GNG7: variants seen among roughly 807,000 people sequenced by gnomAD.
GNG7 encodes the protein guanine nucleotide-binding protein G(I)/G(S)/G(O) subunit gamma-7.
In GNG7, 1 loss-of-function variant was observed where a neutral mutation model predicts 4.0. That is an observed-to-expected ratio of 0.25 (90% CI 0.09 to 1.18). The LOEUF (loss-of-function observed/expected upper bound fraction) is 1.18. Among genes scored for constraint, GNG7 ranks in the 50% most tolerant of loss-of-function variants. The pLI is 0.50. For missense variants in GNG7, 86 were observed against 91.9 expected (o/e 0.94, Z 0.26); for synonymous variants, 34 against 36.9 (o/e 0.92, Z 0.29).
chr19:2,643,792 A>G (rs1044610555), intron 2 of GNG7: 10 of 377,452 alleles, frequency 2.6e-5, no homozygotes, highest in East Asian at 1.4e-4. Flanking sequence ...ATTCATTTCT[A>G]CAGCTATGCA....
chr19:2,583,999 T>C (rs73522577), intron 2 of GNG7, among the ~76,000 whole-genome samples: 20,900 of 152,096 alleles, frequency 0.14, 3,012 homozygotes, highest in East Asian at 0.36. Context: ...TAACAGTACA[T>C]GTTTGGAAGA....
intron 3 of GNG7, among the ~76,000 whole-genome samples, chr19:2,527,577 T>C (rs1978446318): frequency 6.6e-6 from 1 of 152,158 alleles, no homozygotes; most frequent in Admixed American, 6.5e-5. Context: ...AGACACAGCC[T>C]AGGGCCCCAG....
At chr19:2,661,270 A>AAAAGAAAGAAAGAAAGAAAGAAAGG (rs1983145349) in intron 1 of GNG7, among the ~76,000 whole-genome samples, 1 of 70,928 alleles carries the variant, frequency 1.4e-5, no homozygotes, top group African/African-American at 6.5e-5. Context: ...AGAAAGAAAG[A>AAAAGAAAGAAAGAAAGAAAGAAAGG]AAAGAAAGAA....
chr19:2,571,588 CTTTTTTTTTTTTTTTT>C lies in GNG7; in HGVS notation c.-77-16416_-77-16401del, dbSNP rs779497111. Among the ~76,000 whole-genome samples, 5 of 68,022 alleles carry C rather than the reference CTTTTTTTTTTTTTTTT, an allele frequency of 7.4e-5. No homozygotes were observed. In the South Asian group the frequency reaches 2.8e-3, roughly 38 times the overall value. The allele number at this position is 68,022 out of a possible 152,430, so 44.6% of individuals were successfully genotyped here. A position where few individuals can be genotyped will look rare whatever the true frequency, so the allele number is the denominator to read the frequency against. ...GGTCACTTTTCTTTTCATTTCTTTC[CTTTTTTTTTTTTTTTT>C]TTTTTTTTTGAGATGGAGTCTTGCT... On this transcript the variant is annotated intron_variant, in intron 2 of 4. Coordinates refer to ENST00000382159, the MANE Select transcript of GNG7 (RefSeq NM_052847.3).
intron 3 of GNG7, among the ~76,000 whole-genome samples, chr19:2,554,172 A>AAT (rs202213467): frequency 0.03 from 4,345 of 146,128 alleles, 86 homozygotes; most frequent in African/African-American, 0.044. Context: ...TATAATATAT[A>AAT]ATATATATAT....
intron 3 of GNG7, among the ~76,000 whole-genome samples, chr19:2,548,430 G>T (rs1378809807): frequency 1.4e-5 from 2 of 140,348 alleles, no homozygotes; most frequent in Non-Finnish European, 3.0e-5. Flanking sequence ...GCAGTGGGTT[G>T]AGATCGCGCC....
intron 2 of GNG7, among the ~76,000 whole-genome samples, chr19:2,606,366 T>G (rs1216872729): frequency 6.6e-6 from 1 of 151,354 alleles, no homozygotes; most frequent in African/African-American, 2.4e-5. Context: ...AGTTAGACTC[T>G]GTTTCTGGCC....
At position 2,511,975 on chromosome 19, in the gene GNG7, C is replaced by G. The variant is rs1423334404; in HGVS notation, c.*3047G>C. ...GGTCGGGGCCTGGCCCGCTGTGGCCCTTCACCTGGCTACTGGTGTCTCGCT... is the reference window on the plus strand; with the variant it reads ...GGTCGGGGCCTGGCCCGCTGTGGCCGTTCACCTGGCTACTGGTGTCTCGCT... On this transcript the variant is annotated 3_prime_UTR_variant, in exon 5 of 5. Coordinates refer to ENST00000382159, the MANE Select transcript of GNG7 (RefSeq NM_052847.3). This position sits in a 1 kb window ranked among gnomAD's most constrained non-coding sequence, Gnocchi z 6.3. 9.1e-6 allele frequency: 9 copies of G among 985,792 alleles called. No homozygotes were observed. Among genetic ancestry groups the G allele is most frequent in the Non-Finnish European group, 1.1e-5 (9 of 829,974 alleles). The allele number at this position is 985,792 out of a possible 1,614,324, so 61.1% of individuals were successfully genotyped here.
Position 2,634,056 on chromosome 19 carries a change from A to T in GNG7, c.-78+12168T>A, listed in dbSNP as rs748503487. On this transcript the variant is annotated intron_variant, in intron 2 of 4. Transcript: ENST00000382159. The surrounding 1 kb of genome is among the most constrained non-coding windows in gnomAD (Gnocchi z 5.3). ...GCTGAGGTCCCCGGAGGCTGCACAC[A>T]TTGAAATCCACACCCTGAGTGAGGA... Among the ~76,000 whole-genome samples the T allele has an allele frequency of 6.6e-6, 1 of 152,128 alleles. No homozygotes were observed. The highest frequency in any genetic ancestry group is 1.5e-5 in the Non-Finnish European group (1 of 68,008).
At chr19:2,524,410 T>C (rs1325417100) in intron 3 of GNG7, among the ~76,000 whole-genome samples, 3 of 152,230 alleles carry the variant, frequency 2.0e-5, no homozygotes, top group African/African-American at 4.8e-5. Context: ...GTGGTGTGCA[T>C]GTCAGTGTGC....
intron 1 of GNG7, among the ~76,000 whole-genome samples, chr19:2,670,942 C>T (rs1983436230): frequency 6.6e-6 from 1 of 152,156 alleles, no homozygotes; most frequent in Non-Finnish European, 1.5e-5. Context: ...TTGATATCCC[C>T]ACCCTGAGTG....
chr19:2,695,967 T>C (rs1013672842), intron 1 of GNG7, among the ~76,000 whole-genome samples: 3 of 145,260 alleles, frequency 2.1e-5, no homozygotes, highest in Non-Finnish European at 4.7e-5. Flanking sequence ...GAGACCAGCC[T>C]GGGCAACATG....
intron 3 of GNG7, among the ~76,000 whole-genome samples, chr19:2,522,228 G>A (rs1010061941): frequency 1.3e-5 from 2 of 152,166 alleles, no homozygotes; most frequent in Non-Finnish European, 2.9e-5. Context: ...TGTCAGTAGT[G>A]TCCAGCCTAG....
chr19:2,700,072 T>A (rs1282102388), intron 1 of GNG7, among the ~76,000 whole-genome samples: 1 of 151,808 alleles, frequency 6.6e-6, no homozygotes, highest in African/African-American at 2.4e-5. Flanking sequence ...TGAGACTCTG[T>A]CTCAACATAA....
intron 3 of GNG7, among the ~76,000 whole-genome samples, chr19:2,554,024 G>GTATATATCATATGTAATATA (rs1979469325): frequency 7.4e-6 from 1 of 135,718 alleles, no homozygotes; most frequent in African/African-American, 2.9e-5. Context: ...ATGTATATAT[G>GTATATATCATATGTAATATA]TATACACAGT....
chr19:2,622,930 C>A lies in GNG7; in HGVS notation c.-78+23294G>T, dbSNP rs556355467. 4.5e-3 allele frequency among the ~76,000 whole-genome samples: 685 copies of A among 152,340 alleles called. 4 individuals are homozygous for A. Among genetic ancestry groups the A allele is most frequent in the African/African-American group, 0.015 (643 of 41,584 alleles). The stretch of plus-strand genomic sequence containing the variant: ...TTATACCACTAGAGCTCTGACACCC[C>A]GGGCACGGCCACTGATAGAAAACAT... On this transcript the variant is annotated intron_variant, in intron 2 of 4. Transcript: ENST00000382159.
intron 1 of GNG7, among the ~76,000 whole-genome samples, chr19:2,655,203 A>G (rs1308482988): frequency 4.0e-5 from 6 of 150,498 alleles, no homozygotes; most frequent in Admixed American, 1.3e-4. Flanking sequence ...AAAAAAAAAA[A>G]AACCACACAC....
At chr19:2,517,323 A>G (rs1972749537) in intron 4 of GNG7, among the ~76,000 whole-genome samples, 1 of 151,940 alleles carries the variant, frequency 6.6e-6, no homozygotes, top group Admixed American at 6.6e-5. Context: ...AGCTGGGACT[A>G]CGGGAGTGAG....
chr19:2,671,319 G>T (rs1390889140), intron 1 of GNG7, among the ~76,000 whole-genome samples: 1 of 152,084 alleles, frequency 6.6e-6, no homozygotes, highest in Non-Finnish European at 1.5e-5. Context: ...GTTGCAGGAA[G>T]GCCGAGGACC....
Sources: gnomAD v4.1 joint callset for allele counts (sites outside exome capture counted in the v4.1 genomes callset) on GRCh38, gnomAD v4.1.1 for gene constraint, Gnocchi (gnomAD v3.1) non-coding constraint, MANE v1.5 for transcripts, NCBI Gene and HGNC (gene_info 2026-07-23, HGNC 2026-07-21) for gene names.